The following RNF144B variants were observed in gnomAD, a reference collection of about 807,000 sequenced individuals.
RNF144B encodes the protein E3 ubiquitin-protein ligase RNF144B.
A neutral mutation model predicts 40.2 loss-of-function variants in RNF144B; 25 were observed. That is an observed-to-expected ratio of 0.62 (90% CI 0.45 to 0.87). RNF144B has a LOEUF of 0.87. RNF144B is among the 40% of genes least tolerant of loss of function. The probability of loss-of-function intolerance (pLI) is 0.00; values close to 1 mark genes in which losing one functional copy is unlikely to be tolerated. For synonymous variants in RNF144B, 145 were observed against 136.3 expected (o/e 1.06, Z -0.44); for missense variants, 365 against 373.7 (o/e 0.98, Z 0.19).
At chr6:18,439,810 C>A in intron 4 of RNF144B, 66 bp downstream of exon 4, 1 of 1,081,562 alleles carries the variant, frequency 9.2e-7, no homozygotes, top group Non-Finnish European at 1.4e-6. Flanking sequence ...TACACTAACC[C>A]ACATGGAAGA....
intron 2 of RNF144B, among the ~76,000 whole-genome samples, chr6:18,415,068 CTT>C (rs1431177620): frequency 9.2e-5 from 14 of 152,052 alleles, no homozygotes; most frequent in African/African-American, 3.4e-4. Flanking sequence ...CTTTAGGTAA[CTT>C]ATAATATCTA....
intron 2 of RNF144B, among the ~76,000 whole-genome samples, chr6:18,411,462 C>CATATATATATAT (rs767477071): frequency 1.3e-4 from 8 of 59,364 alleles, no homozygotes; most frequent in Non-Finnish European, 1.7e-4. Context: ...GTGCATGATT[C>CATATATATATAT]ATATATATAT....
rs1371113097 is a variant in RNF144B, at chr6:18,443,772, C to T, written c.331+4028C>T. On this transcript the variant is annotated intron_variant, in intron 4 of 7. Transcript: ENST00000259939. The surrounding 1 kb of genome is among the most constrained non-coding windows in gnomAD (Gnocchi z 4.7). Reference sequence around the variant, plus strand: ...AAATAGACTTCTTATCTACCTCAAACTCGAGACCTTCATCAGCTAGGTGAC... The same window carrying T: ...AAATAGACTTCTTATCTACCTCAAATTCGAGACCTTCATCAGCTAGGTGAC... Among the ~76,000 whole-genome samples the T allele has an allele frequency of 6.6e-6, 1 of 152,156 alleles. No homozygotes were observed. The highest frequency in any genetic ancestry group is 1.5e-5 in the Non-Finnish European group (1 of 68,038).
Position 18,425,488 on chromosome 6 carries a change from G to C in RNF144B, c.166-2093G>C, listed in dbSNP as rs1022689337. Among the ~76,000 whole-genome samples, 9 of 152,046 alleles carry C rather than the reference G, an allele frequency of 5.9e-5. No individual in the cohort carries two copies. The highest frequency in any genetic ancestry group is 1.2e-4 in the Non-Finnish European group (8 of 68,016). On this transcript the variant is annotated intron_variant, in intron 2 of 7. Transcript: ENST00000259939. This position sits in a 1 kb window ranked among gnomAD's most constrained non-coding sequence, Gnocchi z 4.2. ...GCCTTGACTGTTCCCCTGGGTGTTCGCCTGCCCATTGACATTCTTCCCCAT... is the reference window on the plus strand; with the variant it reads ...GCCTTGACTGTTCCCCTGGGTGTTCCCCTGCCCATTGACATTCTTCCCCAT...
At chr6:18,399,987 G>T (rs1206311723) in intron 2 of RNF144B, among the ~76,000 whole-genome samples, 1 of 152,068 alleles carries the variant, frequency 6.6e-6, no homozygotes, top group Admixed American at 6.5e-5. Context: ...ATTTTAACAT[G>T]CTGGCCAGGT....
At chr6:18,396,963 C>T (rs866502930) in intron 1 of RNF144B, 4 of 270,232 alleles carry the variant, frequency 1.5e-5, no homozygotes, top group Admixed American at 6.5e-5. Flanking sequence ...AATGGAATAA[C>T]GCTGTGTCTT....
chr6:18,436,275 T>C (rs1012874206), intron 3 of RNF144B, among the ~76,000 whole-genome samples: 3 of 152,080 alleles, frequency 2.0e-5, no homozygotes, highest in Non-Finnish European at 2.9e-5. Flanking sequence ...CAAAGATAAA[T>C]TGAAGAACTG....
Position 18,410,938 on chromosome 6 carries a change from C to A in RNF144B, c.165+11239C>A, listed in dbSNP as rs919075467. Among the ~76,000 whole-genome samples, 40 of 152,002 alleles carry A rather than the reference C, an allele frequency of 2.6e-4. No individual in the cohort carries two copies. The highest frequency in any genetic ancestry group is 2.6e-4 in the Admixed American group (4 of 15,260). ...TTTTGTGCCCCAATTTCTCTTTTTT[C>A]CTATCCATTTGGGATACTGTCAGCT... On this transcript the variant is annotated intron_variant, in intron 2 of 7. Coordinates refer to ENST00000259939, the MANE Select transcript of RNF144B (RefSeq NM_182757.4). The surrounding 1 kb of genome is among the most constrained non-coding windows in gnomAD (Gnocchi z 4.6).
rs1048743357 is a variant in RNF144B at position 18,412,294 on chromosome 6, A to G, written c.165+12595A>G. On this transcript the variant is annotated intron_variant, in intron 2 of 7. Transcript: ENST00000259939. The surrounding 1 kb of genome is among the most constrained non-coding windows in gnomAD (Gnocchi z 4.2). ...CACCTTCTGTAATCTGGTATGTGAA[A>G]AGAACATATCTCATGGTTTAATCCA... Among the ~76,000 whole-genome samples, 6 of 152,204 alleles carry G rather than the reference A, an allele frequency of 3.9e-5. No individual in the cohort carries two copies. Among genetic ancestry groups the G allele is most frequent in the Admixed American group, 3.9e-4 (6 of 15,282 alleles).
intron 1 of RNF144B, among the ~76,000 whole-genome samples, chr6:18,388,012 C>G (rs1227501041): frequency 1.3e-5 from 2 of 152,134 alleles, no homozygotes; most frequent in Non-Finnish European, 2.9e-5. Flanking sequence ...AACTCTGATA[C>G]TACGAGAGCC....
rs1216283033 is a variant in RNF144B, at chr6:18,468,224, C to T, written c.*3157C>T. 1 of 152,160 alleles carries T rather than the reference C, an allele frequency of 6.6e-6. No individual in the cohort carries two copies. The highest frequency in any genetic ancestry group is 2.1e-4 in the South Asian group (1 of 4,826). 9.4% of individuals were successfully genotyped at this position (152,160 alleles called of 1,614,324 possible). On this transcript the variant is annotated 3_prime_UTR_variant, in exon 8 of 8. Coordinates refer to ENST00000259939, the MANE Select transcript of RNF144B (RefSeq NM_182757.4). The stretch of plus-strand genomic sequence containing the variant: ...ATGTTATAGCCCAGCATCTAGAAAT[C>T]CTATGAAACGTATTAGCACAATATC...
intron 1 of RNF144B, among the ~76,000 whole-genome samples, chr6:18,388,081 A>T (rs1794501810): frequency 6.6e-6 from 1 of 152,290 alleles, no homozygotes; most frequent in Admixed American, 6.5e-5. Context: ...AAAGGTAGGT[A>T]TCTTTTGCTT....
rs1324951305 is a variant in RNF144B, at chr6:18,422,738, G to C, written c.166-4843G>C. Reference sequence around the variant, plus strand: ...GCACTTTGGGAAGCTGAGGCGACAGGATTCTTTGAGCCCAGGAGTTTGAGA... The same window carrying C: ...GCACTTTGGGAAGCTGAGGCGACAGCATTCTTTGAGCCCAGGAGTTTGAGA... On this transcript the variant is annotated intron_variant, in intron 2 of 7. Coordinates refer to ENST00000259939, the MANE Select transcript of RNF144B (RefSeq NM_182757.4). This position sits in a 1 kb window ranked among gnomAD's most constrained non-coding sequence, Gnocchi z 4.7. Among the ~76,000 whole-genome samples the C allele has an allele frequency of 1.3e-5, 2 of 152,106 alleles. No homozygotes were observed. The highest frequency in any genetic ancestry group is 4.8e-5 in the African/African-American group (2 of 41,416).
At chr6:18,408,867 GT>G (rs1307905202) in intron 2 of RNF144B, among the ~76,000 whole-genome samples, 1 of 151,276 alleles carries the variant, frequency 6.6e-6, no homozygotes, top group Non-Finnish European at 1.5e-5. Context: ...AGGGAACACA[GT>G]TAAAGACACA....
Position 18,465,777 on chromosome 6 carries a change from C to T in RNF144B, c.*710C>T, listed in dbSNP as rs1336056622. 1 of 152,224 alleles carries T rather than the reference C, an allele frequency of 6.6e-6. No individual in the cohort carries two copies. Among genetic ancestry groups the T allele is most frequent in the Non-Finnish European group, 1.5e-5 (1 of 68,048 alleles). 9.4% of individuals were successfully genotyped at this position (152,224 alleles called of 1,614,324 possible). ...AATGTGGTCTAATTTAGTGTCTCTC[C>T]CTTGGCAAATGTAAGTTTTCTAAGT... On this transcript the variant is annotated 3_prime_UTR_variant, in exon 8 of 8. Coordinates refer to ENST00000259939, the MANE Select transcript of RNF144B (RefSeq NM_182757.4).
intron 3 of RNF144B, among the ~76,000 whole-genome samples, chr6:18,428,016 A>G (rs923838018): frequency 5.3e-5 from 8 of 152,124 alleles, no homozygotes; most frequent in African/African-American, 1.9e-4. Context: ...TTGAATTGTA[A>G]TAATCCCCAC....
rs762734748 is a variant in RNF144B, at chr6:18,387,608, G to C, written c.-59G>C. On this transcript the variant is annotated 5_prime_UTR_variant, in exon 1 of 8. Coordinates refer to ENST00000259939, the MANE Select transcript of RNF144B (RefSeq NM_182757.4). ...GAGGCTACTGAGAAGCCCGGCGACG[G>C]AGGAACGCAGGTCTGCTGCCAGGTA... 8 of 1,314,154 alleles carry C rather than the reference G, an allele frequency of 6.1e-6. No individual in the cohort carries two copies. The highest frequency in any genetic ancestry group is 7.0e-6 in the Non-Finnish European group (7 of 1,002,468). 81.4% of individuals were successfully genotyped at this position (1,314,154 alleles called of 1,614,324 possible).
intron 3 of RNF144B, among the ~76,000 whole-genome samples, chr6:18,429,527 T>A (rs1192925137): frequency 2.0e-5 from 3 of 152,168 alleles, no homozygotes; most frequent in Non-Finnish European, 4.4e-5. Context: ...AAAAGGAATA[T>A]CTGTTTAGAA....
At chr6:18,433,922 A>G (rs12526628) in intron 3 of RNF144B, among the ~76,000 whole-genome samples, 19,397 of 152,216 alleles carry the variant, frequency 0.13, 1,386 homozygotes, top group Admixed American at 0.19. Context: ...TGATCCGCAC[A>G]GTGAGTGTTA....
Sources: gnomAD v4.1 joint callset for allele counts (sites outside exome capture counted in the v4.1 genomes callset) on GRCh38, gnomAD v4.1.1 for gene constraint, Gnocchi (gnomAD v3.1) non-coding constraint, MANE v1.5 for transcripts, NCBI Gene and HGNC (gene_info 2026-07-23, HGNC 2026-07-21) for gene names.